The following GBP6 variants were observed in gnomAD, a reference collection of about 807,000 sequenced individuals.
The protein encoded by GBP6 is guanylate binding protein family member 6, also known as guanylate-binding protein 6.
Under a neutral mutation model 61.5 loss-of-function variants are expected in GBP6, and 54 were observed. The ratio of observed to expected loss-of-function variants is 0.88; its 90% CI spans 0.71 to 1.10. The LOEUF is 1.10. Ranked by LOEUF, GBP6 falls within the 50% of genes least tolerant of loss-of-function variation. GBP6 has a pLI of 0.00. For synonymous variants in GBP6, 255 were observed against 273.7 expected (o/e 0.93, Z 0.67); for missense variants, 748 against 752.8 (o/e 0.99, Z 0.07).
In GBP6 at chr1:89,387,698, C is replaced by T. The variant is rs928910246; in HGVS notation, c.*2229C>T. On this transcript the variant is annotated 3_prime_UTR_variant, in exon 11 of 11. Coordinates refer to ENST00000370456, the MANE Select transcript of GBP6 (RefSeq NM_198460.3). ...CTATAATCTCAGCAACTTGGGAGGC[C>T]GAAGCAGGCAGATCACTTGAGGTCA... Among the ~76,000 whole-genome samples the T allele has an allele frequency of 5.3e-5, 8 of 152,118 alleles. No homozygotes were observed. Among genetic ancestry groups the T allele is most frequent in the African/African-American group, 1.4e-4 (6 of 41,420 alleles).
At position 89,364,734 on chromosome 1, in the gene GBP6, A is replaced by G. The variant is rs1455522437; in HGVS notation, c.-24+607A>G. 2.0e-5 allele frequency among the ~76,000 whole-genome samples: 3 copies of G among 150,702 alleles called. No homozygotes were observed. The East Asian group carries it at 5.9e-4, about 29-fold the overall frequency. The stretch of plus-strand genomic sequence containing the variant: ...GTCTCTTGTAGCTCTTGCTAAACAG[A>G]TGGATACTTAGGCCTGGGAATCTGG... On this transcript the variant is annotated intron_variant, in intron 1 of 10. Coordinates refer to ENST00000370456, the MANE Select transcript of GBP6 (RefSeq NM_198460.3).
chr1:89,385,332 G>C lies in GBP6; in HGVS notation c.1765G>C (p.Asp589His), dbSNP rs199807341. ...KRMIDTTKND[D>H]TPWIARTLDN... ...TATGATTGATACTACAAAAAATGATGATACTCCCTGGATTGCACGAACCTT... is the reference window on the plus strand; with the variant it reads ...TATGATTGATACTACAAAAAATGATCATACTCCCTGGATTGCACGAACCTT... The change falls in exon 11 of 11, where the codon GAT becomes CAT. Residue 589 changes from aspartate to histidine, a missense_variant. Physicochemically the swap from Asp to His is moderately conservative, Grantham distance 81. Coordinates refer to ENST00000370456, the MANE Select transcript of GBP6 (RefSeq NM_198460.3). 6.2e-7 allele frequency: 1 copy of C among 1,614,100 alleles called. No individual in the cohort carries two copies. The highest frequency in any genetic ancestry group is 2.2e-5 in the East Asian group (1 of 44,870).
At chr1:89,365,642 A>ACAATTACTGAATT (rs1165382159) in intron 1 of GBP6, among the ~76,000 whole-genome samples, 1 of 152,250 alleles carries the variant, frequency 6.6e-6, no homozygotes, top group Non-Finnish European at 1.5e-5. Flanking sequence ...TAATTATTGT[A>ACAATTACTGAATT]GTAACCTCCA....
intron 1 of GBP6, among the ~76,000 whole-genome samples, chr1:89,367,930 G>T (rs970852730): frequency 2.0e-5 from 3 of 152,124 alleles, no homozygotes; most frequent in Non-Finnish European, 4.4e-5. Flanking sequence ...CCATGAAATC[G>T]CCTACCATTT....
At chr1:89,368,821 A>G (rs1259339232) in intron 2 of GBP6, 80 bp downstream of exon 2, 1 of 1,326,936 alleles carries the variant, frequency 7.5e-7, no homozygotes, top group East Asian at 2.3e-5. Context: ...CCCAGAGCAC[A>G]TGAAGGTAGA....
In GBP6 at chr1:89,368,592, T is replaced by C; in HGVS notation, c.41T>C (p.Val14Ala). The C allele has an allele frequency of 6.2e-7, 1 of 1,614,126 alleles. No individual in the cohort carries two copies. Among genetic ancestry groups the C allele is most frequent in the South Asian group, 1.1e-5 (1 of 91,082 alleles). The change falls in exon 2 of 11, where the codon GTG becomes GCG. Residue 14 changes from valine (V) to alanine (A), a missense_variant. Val to Ala is a moderately conservative substitution (Grantham distance 64). Coordinates refer to ENST00000370456, the MANE Select transcript of GBP6 (RefSeq NM_198460.3). ...AAAATGTTGGCCCCCGTTTGCCTGG[T>C]GGAAAATAACAATGAGCAGCTATTG... The part of the protein sequence containing the change: ...GPKMLAPVCL[V>A]ENNNEQLLVN...
At position 89,385,444 on chromosome 1, in the gene GBP6, T is replaced by A; in HGVS notation, c.1877T>A (p.Phe626Tyr). The stretch of plus-strand genomic sequence containing the variant: ...GGTGTCAAAGGTGTGAGCTCACTCT[T>A]TAAAAAGCATAAGCTCCCCTTTTAA... ...GHGVKGVSSL[F>Y]KKHKLPF is the part of the protein sequence containing the mutation. The change falls in exon 11 of 11, where the codon TTT (phenylalanine) becomes TAT (tyrosine). Residue 626 changes from phenylalanine to tyrosine, a missense_variant. Phe to Tyr is a conservative substitution (Grantham distance 22). Transcript: ENST00000370456. 6.2e-7 allele frequency: 1 copy of A among 1,614,140 alleles called. No homozygotes were observed. The highest frequency in any genetic ancestry group is 1.1e-5 in the South Asian group (1 of 91,078).
rs115879217 is a variant in GBP6 at position 89,378,474 on chromosome 1, A to G, written c.486A>G (p.Gly162=). 9.9e-6 allele frequency: 16 copies of G among 1,614,188 alleles called. No individual in the cohort carries two copies. Among genetic ancestry groups the G allele is most frequent in the Non-Finnish European group, 1.4e-5 (16 of 1,180,016 alleles). Residue 162 remains glycine (G), a synonymous_variant, in exon 5 of 11, where the codon GGA becomes GGG. Transcript: ENST00000370456. The stretch of plus-strand genomic sequence containing the variant: ...CAAAGTCCTCCCCAAGGCCTGATGG[A>G]GTAGAAGATTCCACAGAGTTTGTGA... The part of the protein sequence containing the change: ...IKAKSSPRPD[G]VEDSTEFVSF...
chr1:89,364,534 C>A lies in GBP6; in HGVS notation c.-24+407C>A, dbSNP rs569847878. The stretch of plus-strand genomic sequence containing the variant: ...ACTTAGGAAAGCTTCAGAATAAGAG[C>A]TCTATAAATCTCTATGTAGAAATAA... On this transcript the variant is annotated intron_variant, in intron 1 of 10. Transcript: ENST00000370456. Among the ~76,000 whole-genome samples the A allele has an allele frequency of 1.3e-5, 2 of 152,024 alleles. 1 individual carries two copies. The highest frequency in any genetic ancestry group is 6.3e-3 in the Middle Eastern group (2 of 316).
At chr1:89,376,163 G>A (rs1246779192) in intron 3 of GBP6, among the ~76,000 whole-genome samples, 1 of 152,132 alleles carries the variant, frequency 6.6e-6, no homozygotes, top group Non-Finnish European at 1.5e-5. Flanking sequence ...GTATTTCATT[G>A]TGTATAGATT....
chr1:89,382,976 C>A, intron 8 of GBP6, 100 bp downstream of exon 8: 1 of 696,058 alleles, frequency 1.4e-6, no homozygotes, highest in Non-Finnish European at 2.5e-6. Context: ...TAGCATAACG[C>A]CTTAGCTTTC....
At chr1:89,364,679 G>C (rs1652414961) in intron 1 of GBP6, among the ~76,000 whole-genome samples, 1 of 149,534 alleles carries the variant, frequency 6.7e-6, no homozygotes, top group Admixed American at 6.7e-5. Context: ...GGGGAGGAGG[G>C]GGGTGTTAGT....
intron 10 of GBP6, 135 bp from the exon 11 acceptor site, chr1:89,385,095 C>T (rs914102996): frequency 3.1e-5 from 24 of 763,672 alleles, no homozygotes; most frequent in Non-Finnish European, 4.5e-5. Context: ...TGTCTAGGTC[C>T]AAATTCTCCT....
intron 5 of GBP6, 151 bp downstream of exon 5, chr1:89,378,764 T>C (rs530367635): frequency 3.3e-6 from 2 of 599,120 alleles, no homozygotes; most frequent in Non-Finnish European, 5.8e-6. Context: ...GCTCTAGGAA[T>C]GGAGCCTAGT....
intron 8 of GBP6, 65 bp downstream of exon 8, chr1:89,382,941 C>T (rs577902812): frequency 3.2e-5 from 33 of 1,043,580 alleles, no homozygotes; most frequent in Middle Eastern, 5.1e-4. Flanking sequence ...CAGCACCAGC[C>T]GTGGGTAATA....
In GBP6 at chr1:89,384,141, A is replaced by G. The variant is rs1653068274; in HGVS notation, c.1517A>G (p.Lys506Arg). ...GCTGAGAAGGAACAGGAACTTTTAA[A>G]ACAGAAATTACAGGAGCAGCAGCAA... ...EAAEKEQELLKQKLQEQQQQM... is the reference protein window; with the variant it reads ...EAAEKEQELLRQKLQEQQQQM... Residue 506 changes from lysine (K) to arginine (R), a missense_variant, in exon 10 of 11, where the codon AAA becomes AGA. Lys to Arg is a conservative substitution (Grantham distance 26, BLOSUM62 2). Transcript: ENST00000370456. 6.2e-7 allele frequency: 1 copy of G among 1,614,018 alleles called. No homozygotes were observed. Among genetic ancestry groups the G allele is most frequent in the Non-Finnish European group, 8.5e-7 (1 of 1,180,018 alleles).
At chr1:89,381,591 C>A in intron 6 of GBP6, 103 bp from the exon 7 acceptor site, 2 of 1,119,906 alleles carry the variant, frequency 1.8e-6, no homozygotes, top group Non-Finnish European at 2.6e-6. Flanking sequence ...TGCATGTGTG[C>A]ACGCGCGTGT....
intron 3 of GBP6, among the ~76,000 whole-genome samples, chr1:89,375,859 ATTC>A (rs1557539654): frequency 1.3e-5 from 2 of 152,048 alleles, no homozygotes; most frequent in Admixed American, 6.6e-5. Flanking sequence ...TTCCTTGTAT[ATTC>A]TTCTGGTATT....
intron 3 of GBP6, among the ~76,000 whole-genome samples, chr1:89,370,638 G>A (rs952810114): frequency 2.6e-5 from 4 of 152,116 alleles, no homozygotes; most frequent in East Asian, 1.9e-4. Context: ...CCAAACAGGC[G>A]TTAGAAATTC....
Sources: gnomAD v4.1 joint callset for allele counts (sites outside exome capture counted in the v4.1 genomes callset) on GRCh38, gnomAD v4.1.1 for gene constraint, MANE v1.5 for transcripts, NCBI Gene and HGNC (gene_info 2026-07-23, HGNC 2026-07-21) for gene names.